Variants in PRCD observed in about 807,000 individuals in gnomAD.
The protein encoded by PRCD is photoreceptor disc component, also known as photoreceptor disk component PRCD.
Under a neutral mutation model 10.1 loss-of-function variants are expected in PRCD, and 12 were observed. The observed-to-expected ratio is 1.18, with a 90% confidence interval of 0.76 to 1.92. PRCD has a LOEUF of 1.92. Ranked by LOEUF, PRCD falls within the 40% of genes most tolerant of loss-of-function variation. The probability of loss-of-function intolerance (pLI) is 0.00; values close to 1 mark genes in which losing one functional copy is unlikely to be tolerated. For synonymous variants in PRCD, 31 were observed against 26.2 expected (o/e 1.18, Z -0.56); for missense variants, 61 against 72.2 (o/e 0.84, Z 0.56).
upstream of PRCD, among the ~76,000 whole-genome samples, chr17:76,539,335 G>T (rs568660578): frequency 6.6e-6 from 1 of 152,348 alleles, no homozygotes; most frequent in South Asian, 2.1e-4. Context: ...CTTTGCAAAT[G>T]TAATATAGTC....
At chr17:76,548,235 T>C (rs918308422), downstream of PRCD, among the ~76,000 whole-genome samples, 6 of 151,614 alleles carry the variant, frequency 4.0e-5, no homozygotes, top group African/African-American at 1.5e-4. Context: ...ACACATAGCA[T>C]ACACATACAC....
Position 76,531,140 on chromosome 17 carries a change from G to C in PRCD, n.45+3307G>C, listed in dbSNP as rs748825035. ...CCACCTCCAGAATGACCCCAGAGAG[G>C]ATCTGGGGGCAAAGGGAGGAAGGGG... On this transcript the variant is annotated intron_variant and non_coding_transcript_variant, in intron 1 of 4. Transcript: ENST00000397633. This position sits in a 1 kb window ranked among gnomAD's most constrained non-coding sequence, Gnocchi z 7.4. 1 of 1,612,334 alleles carries C rather than the reference G, an allele frequency of 6.2e-7. No individual in the cohort carries two copies. The highest frequency in any genetic ancestry group is 1.1e-5 in the South Asian group (1 of 91,032).
Position 76,528,642 on chromosome 17 carries a change from C to T in PRCD, n.45+809C>T, listed in dbSNP as rs186050618. 6.4e-4 allele frequency: 815 copies of T among 1,268,568 alleles called. 8 individuals are homozygous for T. The Middle Eastern group carries it at 0.015, about 24-fold the overall frequency. 78.6% of individuals were successfully genotyped at this position (1,268,568 alleles called of 1,614,324 possible). A position where few individuals can be genotyped will look rare whatever the true frequency, so the allele number is the denominator to read the frequency against. On this transcript the variant is annotated intron_variant and non_coding_transcript_variant, in intron 1 of 4. Transcript: ENST00000397633. The surrounding 1 kb of genome is among the most constrained non-coding windows in gnomAD (Gnocchi z 5.8). Reference sequence around the variant, plus strand: ...GACGAGATAGGAAGGGAAGGACAAACGTTACCAGAGGCAGGGAAGGACCCT... The same window carrying T: ...GACGAGATAGGAAGGGAAGGACAAATGTTACCAGAGGCAGGGAAGGACCCT...
intron 4 of PRCD, chr17:76,543,334 C>T (rs1054286792): frequency 7.3e-5 from 25 of 341,788 alleles, no homozygotes; most frequent in African/African-American, 5.4e-4. Flanking sequence ...CTGGGTCCAC[C>T]AGGCTAATTC....
At chr17:76,529,261 G>A (rs1385100502) in intron 1 of PRCD, 2 of 985,318 alleles carry the variant, frequency 2.0e-6, no homozygotes, top group African/African-American at 3.5e-5. Flanking sequence ...CTAGGGGTGG[G>A]CTAGAGGGTG....
Position 76,531,418 on chromosome 17 carries a change from C to A in PRCD, n.45+3585C>A, listed in dbSNP as rs776996739. ...GCCTGCGAGCTGCAGATGGCCATGA[C>A]GCGTGGGCGGTGGGGGCTCTGCAGC... is the stretch of plus-strand genomic sequence containing the variant. On this transcript the variant is annotated intron_variant and non_coding_transcript_variant, in intron 1 of 4. Coordinates refer to the PRCD transcript ENST00000397633. This position sits in a 1 kb window ranked among gnomAD's most constrained non-coding sequence, Gnocchi z 7.4. The A allele has an allele frequency of 1.3e-6, 2 of 1,582,700 alleles. No homozygotes were observed. Among genetic ancestry groups the A allele is most frequent in the Middle Eastern group, 1.7e-4 (1 of 5,950 alleles).
At position 76,528,074 on chromosome 17, in the gene PRCD, C is replaced by A; in HGVS notation, n.45+241C>A. On this transcript the variant is annotated intron_variant and non_coding_transcript_variant, in intron 1 of 4. Transcript: ENST00000397633. This position sits in a 1 kb window ranked among gnomAD's most constrained non-coding sequence, Gnocchi z 5.8. The stretch of plus-strand genomic sequence containing the variant: ...TGCCCCACTCACAGGTGGGCCAAAC[C>A]GAGGCTTCTGGGCGCCGCGGATACA... 1 of 360,590 alleles carries A rather than the reference C, an allele frequency of 2.8e-6. No individual in the cohort carries two copies. The highest frequency in any genetic ancestry group is 2.1e-5 in the African/African-American group (1 of 48,086). 22.3% of individuals were successfully genotyped at this position (360,590 alleles called of 1,614,324 possible).
upstream of PRCD, chr17:76,537,648 G>C (rs1279708436): frequency 6.3e-6 from 6 of 954,230 alleles, no homozygotes; most frequent in Non-Finnish European, 7.5e-6. Context: ...TGCGCGGCGG[G>C]CGGGCGAGGG....
At chr17:76,529,075 C>T (rs1294319508) in intron 1 of PRCD, 11 of 448,470 alleles carry the variant, frequency 2.5e-5, no homozygotes, top group Non-Finnish European at 2.9e-5. Context: ...CACGCAAAGG[C>T]GCACACCCTG....
intron 1 of PRCD, among the ~76,000 whole-genome samples, chr17:76,532,419 G>A (rs985022156): frequency 4.6e-5 from 7 of 152,134 alleles, no homozygotes; most frequent in African/African-American, 1.7e-4. Context: ...GCACTACTCA[G>A]GTGACCTTCC....
Position 76,528,870 on chromosome 17 carries a change from C to T in PRCD, n.45+1037C>T, listed in dbSNP as rs1193752206. On this transcript the variant is annotated intron_variant and non_coding_transcript_variant, in intron 1 of 4. Transcript: ENST00000397633. The surrounding 1 kb of genome is among the most constrained non-coding windows in gnomAD (Gnocchi z 5.8). ...AATGTGAATAATGTCTGTCTTGTGA[C>T]ATAAACTGGGTAAAAAAGTGTTTCA... 4.9e-6 allele frequency: 6 copies of T among 1,219,100 alleles called. No homozygotes were observed. Among genetic ancestry groups the T allele is most frequent in the Non-Finnish European group, 6.1e-6 (6 of 979,336 alleles). 75.5% of individuals were successfully genotyped at this position (1,219,100 alleles called of 1,614,324 possible).
chr17:76,538,351 C>T (rs972213145), upstream of PRCD: 1 of 340,142 alleles, frequency 2.9e-6, no homozygotes, highest in Admixed American at 3.6e-5. Flanking sequence ...CCCCTGCCCG[C>T]CCACCGCCCC....
chr17:76,531,320 C>T lies in PRCD; in HGVS notation n.45+3487C>T. On this transcript the variant is annotated intron_variant and non_coding_transcript_variant, in intron 1 of 4. Transcript: ENST00000397633. This position sits in a 1 kb window ranked among gnomAD's most constrained non-coding sequence, Gnocchi z 7.4. ...CCCTGGACCCAGCCCCTCCATCCTGCTGCCGGGCACTGCCCCTCCCTCTCG... is the reference window on the plus strand; with the variant it reads ...CCCTGGACCCAGCCCCTCCATCCTGTTGCCGGGCACTGCCCCTCCCTCTCG... 1.6e-6 allele frequency: 2 copies of T among 1,218,728 alleles called. No individual in the cohort carries two copies. Among genetic ancestry groups the T allele is most frequent in the Admixed American group, 4.8e-5 (2 of 41,882 alleles). The allele number at this position is 1,218,728 out of a possible 1,614,324, so 75.5% of individuals were successfully genotyped here.
chr17:76,539,558 C>T (rs1026025837), upstream of PRCD, among the ~76,000 whole-genome samples: 1 of 152,168 alleles, frequency 6.6e-6, no homozygotes, highest in African/African-American at 2.4e-5. Flanking sequence ...AATATTCCTC[C>T]CCTTTCTTCC....
downstream of PRCD, among the ~76,000 whole-genome samples, chr17:76,547,526 G>C (rs1248490462): frequency 6.6e-6 from 1 of 152,170 alleles, no homozygotes; most frequent in Admixed American, 6.5e-5. Context: ...GTGCCCCCTA[G>C]TGGGGATGAT....
At position 76,540,708 on chromosome 17, in the gene PRCD, G is replaced by A; in HGVS notation, c.143+135G>A. 1 of 856,482 alleles carries A rather than the reference G, an allele frequency of 1.2e-6. No individual in the cohort carries two copies. The highest frequency in any genetic ancestry group is 1.9e-6 in the Non-Finnish European group (1 of 521,716). The allele number at this position is 856,482 out of a possible 1,614,324, so 53.1% of individuals were successfully genotyped here. On this transcript the variant is annotated intron_variant, in intron 2 of 4. Coordinates refer to ENST00000592014, the MANE Select transcript of PRCD (RefSeq NM_001077620.3). This position sits in a 1 kb window ranked among gnomAD's most constrained non-coding sequence, Gnocchi z 5.0. ...TCCTGGCCCTTGCCCTAAGCACCCT[G>A]CTCCCTGTCCGCCTGCTGGGCAGGC...
chr17:76,537,614 C>CGCCGGGA (rs1334851652), upstream of PRCD: 44 of 999,910 alleles, frequency 4.4e-5, no homozygotes, highest in African/African-American at 5.3e-5. Flanking sequence ...GGGCGCGGGG[C>CGCCGGGA]GCCGGGAGCC....
chr17:76,549,729 TACTC>T (rs2075088825), downstream of PRCD, among the ~76,000 whole-genome samples: 1 of 152,128 alleles, frequency 6.6e-6, no homozygotes, highest in African/African-American at 2.4e-5. Context: ...GATAGAATAA[TACTC>T]AGCAATGAAA....
At position 76,533,832 on chromosome 17, in the gene PRCD, C is replaced by G. The variant is rs573833498; in HGVS notation, n.45+5999C>G. ...ATCACTTGAGGCCAGGAGTTTGAGA[C>G]CAGCCTGGGCAACATAGTGAGATCC... On this transcript the variant is annotated intron_variant and non_coding_transcript_variant, in intron 1 of 4. Transcript: ENST00000397633. This position sits in a 1 kb window ranked among gnomAD's most constrained non-coding sequence, Gnocchi z 4.5. 4.6e-5 allele frequency among the ~76,000 whole-genome samples: 7 copies of G among 152,078 alleles called. No individual in the cohort carries two copies. The highest frequency in any genetic ancestry group is 1.0e-4 in the Non-Finnish European group (7 of 68,006).
Sources: allele counts gnomAD v4.1 joint callset (sites outside exome capture counted in the v4.1 genomes callset), GRCh38; gene constraint gnomAD v4.1.1; non-coding constraint Gnocchi (gnomAD v3.1); transcripts MANE v1.5; gene names NCBI Gene and HGNC (gene_info 2026-07-23, HGNC 2026-07-21).